Variants in GLRB observed in about 807,000 individuals in gnomAD.
GLRB encodes the protein glycine receptor beta, also known as glycine receptor subunit beta.
Under a neutral mutation model 54.2 loss-of-function variants are expected in GLRB, and 33 were observed. That is an observed-to-expected ratio of 0.61 (90% CI 0.46 to 0.81). The LOEUF (loss-of-function observed/expected upper bound fraction) is 0.81. GLRB is among the 40% of genes least tolerant of loss of function. GLRB has a pLI of 0.00. For missense variants in GLRB, 572 were observed against 584.6 expected (o/e 0.98, Z 0.22); for synonymous variants, 209 against 208.2 (o/e 1.00, Z -0.03).
chr4:157,142,477 T>A (rs1459884731), intron 7 of GLRB, among the ~76,000 whole-genome samples: 4 of 152,144 alleles, frequency 2.6e-5, no homozygotes, highest in Non-Finnish European at 5.9e-5. Flanking sequence ...CTAAATCACA[T>A]TGGGAAAAGG....
At chr4:157,169,727 T>A (rs987920002) in intron 9 of GLRB, among the ~76,000 whole-genome samples, 1 of 152,176 alleles carries the variant, frequency 6.6e-6, no homozygotes, top group African/African-American at 2.4e-5. Context: ...TTATATATTA[T>A]AGGGAATTTA....
chr4:157,110,610 A>T (rs190460581), intron 2 of GLRB, among the ~76,000 whole-genome samples: 16 of 152,020 alleles, frequency 1.1e-4, no homozygotes, highest in African/African-American at 3.4e-4. Context: ...CAAGTAATTC[A>T]TATATTTCCA....
At chr4:157,164,072 T>G (rs963253758) in intron 9 of GLRB, among the ~76,000 whole-genome samples, 1 of 152,072 alleles carries the variant, frequency 6.6e-6, no homozygotes, top group African/African-American at 2.4e-5. Context: ...GTCTACTGGG[T>G]CATTTCAGAC....
rs368153453 is a variant in GLRB, at chr4:157,136,612, T to C, written c.441T>C (p.Asn147=). The C allele has an allele frequency of 3.7e-6, 6 of 1,613,144 alleles. No individual in the cohort carries two copies. In the African/African-American group the frequency reaches 5.3e-5, roughly 14 times the overall value. The change falls in exon 5 of 10, where the codon AAT becomes AAC. Residue 147 remains asparagine (N), a synonymous_variant. Transcript: ENST00000264428. ...CLWKPDLFFA[N]EKSANFHDVT... ...GGAAACCTGATTTATTTTTTGCAAA[T>C]GAAAAAAGTGCCAATTTTCATGATG...
intron 4 of GLRB, among the ~76,000 whole-genome samples, chr4:157,127,474 T>C (rs1419213240): frequency 1.3e-5 from 2 of 152,046 alleles, no homozygotes; most frequent in South Asian, 2.1e-4. Context: ...ACAATTCTTA[T>C]ATGAAATTTC....
chr4:157,171,691 T>C lies in GLRB; in HGVS notation c.*963T>C, dbSNP rs1291989894. 1.3e-5 allele frequency: 2 copies of C among 152,370 alleles called. No individual in the cohort carries two copies. Among genetic ancestry groups the C allele is most frequent in the African/African-American group, 4.8e-5 (2 of 41,568 alleles). 9.4% of individuals were successfully genotyped at this position (152,370 alleles called of 1,614,324 possible). Reference sequence around the variant, plus strand: ...TATTAAAATGCTTGCATATTTTAAGTAAAATTAAAAATGTTTACTGAATTT... The same window carrying C: ...TATTAAAATGCTTGCATATTTTAAGCAAAATTAAAAATGTTTACTGAATTT... On this transcript the variant is annotated 3_prime_UTR_variant, in exon 10 of 10. Transcript: ENST00000264428.
At chr4:157,096,122 A>G (rs967055186) in intron 2 of GLRB, among the ~76,000 whole-genome samples, 1 of 152,144 alleles carries the variant, frequency 6.6e-6, no homozygotes, top group African/African-American at 2.4e-5. Context: ...TTTTGAGAAA[A>G]CCACAAGGAT....
At chr4:157,156,668 G>A (rs1055836679) in intron 9 of GLRB, among the ~76,000 whole-genome samples, 2 of 151,840 alleles carry the variant, frequency 1.3e-5, no homozygotes, top group African/African-American at 4.8e-5. Context: ...TTTCCATTTG[G>A]TATGTGTGTA....
At chr4:157,136,407 C>T (rs1264000369) in intron 4 of GLRB, 62 bp from the exon 5 acceptor site, 10 of 971,038 alleles carry the variant, frequency 1.0e-5, no homozygotes, top group Admixed American at 7.3e-5. Context: ...GTTTTGGGGC[C>T]GAATAAGTTC....
intron 4 of GLRB, among the ~76,000 whole-genome samples, chr4:157,131,621 T>G (rs1432420250): frequency 6.6e-6 from 1 of 151,772 alleles, no homozygotes; most frequent in Non-Finnish European, 1.5e-5. Flanking sequence ...CCACTGATCT[T>G]TTTACTGTCT....
At chr4:157,112,805 T>A (rs920407962) in intron 2 of GLRB, among the ~76,000 whole-genome samples, 2 of 151,926 alleles carry the variant, frequency 1.3e-5, no homozygotes, top group African/African-American at 4.8e-5. Context: ...CCAAAGGCTA[T>A]TCCAGAAGAC....
chr4:157,116,203 A>G (rs1334918648), intron 2 of GLRB, among the ~76,000 whole-genome samples: 2 of 151,820 alleles, frequency 1.3e-5, no homozygotes, highest in African/African-American at 4.8e-5. Context: ...ATTAGTAATG[A>G]CATTGGTTCA....
Position 157,077,982 on chromosome 4 carries a change from G to A in GLRB, c.-29-14G>A, listed in dbSNP as rs760328944. On this transcript the variant is annotated splice_polypyrimidine_tract_variant and intron_variant, in intron 1 of 9. Transcript: ENST00000264428. ...TCTTCATAAATGTAAACATTTTCTT[G>A]TTCTCTCTTGTAGATCGATCTTCTG... 2 of 1,548,112 alleles carry A rather than the reference G, an allele frequency of 1.3e-6. No homozygotes were observed. Among genetic ancestry groups the A allele is most frequent in the East Asian group, 2.3e-5 (1 of 44,290 alleles).
intron 7 of GLRB, among the ~76,000 whole-genome samples, chr4:157,141,413 A>G (rs1257589736): frequency 2.6e-5 from 4 of 152,026 alleles, no homozygotes; most frequent in Admixed American, 2.6e-4. Flanking sequence ...ATGGGAAAGT[A>G]TAAATATATA....
At chr4:157,105,438 CAT>C (rs1192985330) in intron 2 of GLRB, among the ~76,000 whole-genome samples, 2 of 152,030 alleles carry the variant, frequency 1.3e-5, no homozygotes, top group African/African-American at 2.4e-5. Flanking sequence ...TGGAACCTAA[CAT>C]GTGATCTATC....
At chr4:157,140,029 G>C (rs1736551244) in intron 7 of GLRB, among the ~76,000 whole-genome samples, 1 of 151,900 alleles carries the variant, frequency 6.6e-6, no homozygotes, top group Non-Finnish European at 1.5e-5. Flanking sequence ...ATGCTAGGCA[G>C]CTTGGGGATA....
In GLRB at chr4:157,136,651, CAT is replaced by C. The variant is rs752955134; in HGVS notation, c.481_482del (p.Ile161ProfsTer7). On this transcript the variant is annotated frameshift_variant, in exon 5 of 10. Transcript: ENST00000264428. LOFTEE classifies it high-confidence loss of function. Reference protein sequence around the residue: ...ANFHDVTQENILLFIFRDGDV... With the variant: ...ANFHDVTQENXLLFIFRDGDV... ...ATTTTCATGATGTGACCCAGGAAAA[CAT>C]CCTCCTCTTTATTTTTCGTGATGGA... The C allele has an allele frequency of 6.2e-7, 1 of 1,612,772 alleles. No homozygotes were observed. The highest frequency in any genetic ancestry group is 1.1e-5 in the South Asian group (1 of 91,040).
At chr4:157,093,440 G>A (rs1301569890) in intron 2 of GLRB, among the ~76,000 whole-genome samples, 1 of 152,084 alleles carries the variant, frequency 6.6e-6, no homozygotes, top group African/African-American at 2.4e-5. Flanking sequence ...AAGAAGCGAA[G>A]TATAAAATAT....
rs147813108 is a variant in GLRB, at chr4:157,107,727, A to G, written c.123-12829A>G. On this transcript the variant is annotated intron_variant, in intron 2 of 9. Coordinates refer to ENST00000264428, the MANE Select transcript of GLRB (RefSeq NM_000824.5). ...AAGTATTGATGTTGAAGCCACAGCA[A>G]GTTATCCAGAAGATCTAGCTAAGAT... Among the ~76,000 whole-genome samples the G allele has an allele frequency of 2.9e-4, 44 of 152,268 alleles. No individual in the cohort carries two copies. The East Asian group carries it at 7.0e-3, about 24-fold the overall frequency.
Sources: gnomAD v4.1 joint callset for allele counts (sites outside exome capture counted in the v4.1 genomes callset) on GRCh38, gnomAD v4.1.1 for gene constraint, MANE v1.5 for transcripts, NCBI Gene and HGNC (gene_info 2026-07-23, HGNC 2026-07-21) for gene names.